The following SLC8A1 variants were observed in gnomAD, a reference collection of about 807,000 sequenced individuals.
The protein encoded by SLC8A1 is solute carrier family 8 member A1, also known as sodium/calcium exchanger 1.
SLC8A1 carries 18 observed loss-of-function variants against 68.3 expected under a neutral mutation model. The observed-to-expected ratio is 0.26, with a 90% confidence interval of 0.18 to 0.39. The LOEUF is 0.39. Ranked by LOEUF, SLC8A1 falls within the 10% of genes least tolerant of loss-of-function variation. The pLI, the probability that SLC8A1 is intolerant of heterozygous loss-of-function variation, is 1.00. For missense variants in SLC8A1, 985 were observed against 1,156.7 expected (o/e 0.85, Z 2.15); for synonymous variants, 475 against 415.5 (o/e 1.14, Z -1.74).
chr2:40,254,022 C>G (rs1374082795), intron 2 of SLC8A1, among the ~76,000 whole-genome samples: 2 of 152,106 alleles, frequency 1.3e-5, no homozygotes, highest in Non-Finnish European at 2.9e-5. Flanking sequence ...AAGAAAACTT[C>G]TGCATATTCC....
rs146506920 is a variant in SLC8A1, at chr2:40,299,670, A to T, written c.1809-121815T>A. On this transcript the variant is annotated intron_variant, in intron 2 of 7. Coordinates refer to ENST00000406785, the Ensembl canonical transcript of SLC8A1. ...TTGCCTAAATCCTCCCCCACCTTCA[A>T]TGCCATTGCTCTATGCTACACCTGC... Among the ~76,000 whole-genome samples, 19 of 152,250 alleles carry T rather than the reference A, an allele frequency of 1.2e-4. 1 individual carries two copies. Among genetic ancestry groups the T allele is most frequent in the African/African-American group, 3.6e-4 (15 of 41,554 alleles).
At chr2:40,445,297 C>T (rs1292344123) in intron 1 of SLC8A1, among the ~76,000 whole-genome samples, 2 of 152,040 alleles carry the variant, frequency 1.3e-5, no homozygotes, top group Non-Finnish European at 2.9e-5. Context: ...AGTCTGAGGA[C>T]CCTAGGTTGG....
chr2:40,496,508 C>A (rs1485261721), intron 1 of SLC8A1, among the ~76,000 whole-genome samples: 1 of 151,870 alleles, frequency 6.6e-6, no homozygotes, highest in Non-Finnish European at 1.5e-5. Context: ...CCAGATAAAC[C>A]AGAGCTTGAC....
intron 3 of SLC8A1, among the ~76,000 whole-genome samples, chr2:40,176,435 A>G (rs1391342687): frequency 6.6e-6 from 1 of 152,162 alleles, no homozygotes; most frequent in Non-Finnish European, 1.5e-5. Context: ...CTGTATGTTA[A>G]TGAGGCATTT....
intron 2 of SLC8A1, among the ~76,000 whole-genome samples, chr2:40,307,974 C>G (rs890216603): frequency 1.3e-4 from 19 of 151,218 alleles, no homozygotes; most frequent in African/African-American, 4.2e-4. Context: ...CTAAAAGAGT[C>G]AGAAAAATAA....
At chr2:40,393,004 G>T (rs1037994928) in intron 2 of SLC8A1, among the ~76,000 whole-genome samples, 1 of 152,046 alleles carries the variant, frequency 6.6e-6, no homozygotes, top group South Asian at 2.1e-4. Context: ...AGAGGAGCAG[G>T]AGAAATGTTG....
intron 2 of SLC8A1, among the ~76,000 whole-genome samples, chr2:40,358,631 A>G (rs1025632429): frequency 2.0e-5 from 3 of 152,208 alleles, no homozygotes; most frequent in African/African-American, 4.8e-5. Context: ...TCTTGCATGT[A>G]GTCATTCACC....
chr2:40,342,800 G>A (rs1668113543), intron 2 of SLC8A1, among the ~76,000 whole-genome samples: 1 of 152,086 alleles, frequency 6.6e-6, no homozygotes. Flanking sequence ...AGAGAATCTT[G>A]GTTGTTACTA....
intron 2 of SLC8A1, among the ~76,000 whole-genome samples, chr2:40,216,920 C>T (rs768952192): frequency 9.2e-5 from 14 of 151,970 alleles, no homozygotes; most frequent in East Asian, 1.9e-4. Flanking sequence ...ATGGATGGAT[C>T]GCAAAAATTT....
chr2:40,202,672 A>T (rs1019179250), intron 2 of SLC8A1, among the ~76,000 whole-genome samples: 4 of 152,044 alleles, frequency 2.6e-5, no homozygotes, highest in Non-Finnish European at 5.9e-5. Flanking sequence ...TAACATTAGC[A>T]AAGTTTAAAA....
chr2:40,334,645 C>T (rs1290576307), intron 2 of SLC8A1, among the ~76,000 whole-genome samples: 1 of 152,130 alleles, frequency 6.6e-6, no homozygotes, highest in East Asian at 1.9e-4. Context: ...GTCCTGAAAA[C>T]ATTTTTTTCA....
exon 8 of SLC8A1, chr2:40,115,217 T>A: frequency 7.2e-7 from 1 of 1,396,074 alleles, no homozygotes; most frequent in Non-Finnish European, 9.6e-7. Context: ...TGTATATATA[T>A]GTATATATAT....
chr2:40,210,764 T>A (rs762906089), intron 2 of SLC8A1, among the ~76,000 whole-genome samples: 3 of 152,210 alleles, frequency 2.0e-5, no homozygotes, highest in African/African-American at 4.8e-5. Context: ...GACCTTTAGA[T>A]TCCCTACTCT....
chr2:40,259,277 T>TG (rs1219831359), intron 2 of SLC8A1, among the ~76,000 whole-genome samples: 1 of 152,210 alleles, frequency 6.6e-6, no homozygotes, highest in Non-Finnish European at 1.5e-5. Flanking sequence ...TACAAATACT[T>TG]GGCTGCTGAA....
intron 1 of SLC8A1, among the ~76,000 whole-genome samples, chr2:40,482,942 C>T (rs1295235535): frequency 1.3e-5 from 2 of 150,966 alleles, no homozygotes; most frequent in South Asian, 4.2e-4. Context: ...AGGCGCCCGC[C>T]ACCACGCCCG....
chr2:40,474,490 C>T (rs943550961), intron 1 of SLC8A1, among the ~76,000 whole-genome samples: 1 of 152,066 alleles, frequency 6.6e-6, no homozygotes, highest in African/African-American at 2.4e-5. Flanking sequence ...GTTTTAATGT[C>T]AGCTTCCCCT....
chr2:40,262,129 A>AT (rs1306284634), intron 2 of SLC8A1, among the ~76,000 whole-genome samples: 1 of 151,924 alleles, frequency 6.6e-6, no homozygotes, highest in African/African-American at 2.4e-5. Context: ...CGCCCAGCTA[A>AT]TTTTTGTGTT....
At chr2:40,176,154 C>T (rs1206136218) in intron 3 of SLC8A1, among the ~76,000 whole-genome samples, 3 of 152,020 alleles carry the variant, frequency 2.0e-5, no homozygotes, top group East Asian at 1.9e-4. Flanking sequence ...GAGTTGAAGA[C>T]GGGAATGTTA....
At chr2:40,171,846 C>A (rs2047546136) in intron 4 of SLC8A1, among the ~76,000 whole-genome samples, 2 of 152,186 alleles carry the variant, frequency 1.3e-5, no homozygotes. Flanking sequence ...TAGGCCCAAA[C>A]AAGGGCCTTT....
Sources: gnomAD v4.1 joint callset for allele counts (sites outside exome capture counted in the v4.1 genomes callset) on GRCh38, gnomAD v4.1.1 for gene constraint, MANE v1.5 for transcripts, NCBI Gene and HGNC (gene_info 2026-07-23, HGNC 2026-07-21) for gene names.